Variants in MBNL1 observed in about 807,000 individuals in gnomAD.
The protein encoded by MBNL1 is muscleblind-like protein 1.
A neutral mutation model predicts 42.2 loss-of-function variants in MBNL1; 8 were observed. That is an observed-to-expected ratio of 0.19 (90% CI 0.11 to 0.34). The LOEUF is 0.34. Among genes scored for constraint, MBNL1 ranks in the 10% least tolerant of loss-of-function variants. The pLI is 1.00. For missense variants in MBNL1, 309 were observed against 495.3 expected (o/e 0.62, Z 3.57); for synonymous variants, 169 against 173.9 (o/e 0.97, Z 0.22).
chr3:152,437,757 T>C (rs188201906), intron 4 of MBNL1, among the ~76,000 whole-genome samples: 28 of 147,844 alleles, frequency 1.9e-4, no homozygotes, highest in Admixed American at 9.1e-4. Context: ...CCAAGTACTT[T>C]CTGTACTCCA....
upstream of MBNL1, chr3:152,268,092 T>C (rs1330957623): frequency 6.6e-6 from 1 of 152,328 alleles, no homozygotes; most frequent in East Asian, 1.9e-4. Context: ...GTTTATTTGC[T>C]CTGGCGACAA....
At chr3:152,392,226 T>A (rs1041974990) in intron 2 of MBNL1, among the ~76,000 whole-genome samples, 3 of 152,196 alleles carry the variant, frequency 2.0e-5, no homozygotes, top group Non-Finnish European at 4.4e-5. Context: ...AATATTTTTT[T>A]AAATATAATC....
At chr3:152,272,369 G>T (rs1197550218) in intron 1 of MBNL1, among the ~76,000 whole-genome samples, 4 of 152,042 alleles carry the variant, frequency 2.6e-5, no homozygotes, top group Non-Finnish European at 4.4e-5. Flanking sequence ...TATAATTAGA[G>T]AATGAGTCTT....
intron 2 of MBNL1, among the ~76,000 whole-genome samples, chr3:152,403,382 T>C (rs1282463783): frequency 6.6e-6 from 1 of 152,236 alleles, no homozygotes; most frequent in African/African-American, 2.4e-5. Flanking sequence ...ATGGCTTCAA[T>C]ACCCTTTTGC....
chr3:152,309,914 G>A (rs1475615454), intron 2 of MBNL1, among the ~76,000 whole-genome samples: 1 of 152,160 alleles, frequency 6.6e-6, no homozygotes, highest in Non-Finnish European at 1.5e-5. Flanking sequence ...GCACAACGAA[G>A]ATTAAAATAA....
intron 1 of MBNL1, among the ~76,000 whole-genome samples, chr3:152,279,604 A>G (rs1559984273): frequency 6.6e-6 from 1 of 152,148 alleles, no homozygotes; most frequent in Non-Finnish European, 1.5e-5. Context: ...TAAAAAAAAT[A>G]AAACAAACTA....
At chr3:152,423,244 G>A (rs1024349376) in intron 3 of MBNL1, among the ~76,000 whole-genome samples, 1 of 152,064 alleles carries the variant, frequency 6.6e-6, no homozygotes, top group Non-Finnish European at 1.5e-5. Context: ...AATGACAAAG[G>A]GGATATCACC....
At chr3:152,344,298 C>G (rs959201874) in intron 2 of MBNL1, among the ~76,000 whole-genome samples, 1 of 152,106 alleles carries the variant, frequency 6.6e-6, no homozygotes, top group Non-Finnish European at 1.5e-5. Flanking sequence ...ATAACACTAC[C>G]TCTCAGCCCT....
intron 2 of MBNL1, among the ~76,000 whole-genome samples, chr3:152,363,764 C>T (rs912246262): frequency 1.2e-4 from 18 of 152,100 alleles, no homozygotes; most frequent in African/African-American, 4.3e-4. Context: ...GTCACACAGT[C>T]TGTTCCTATT....
At chr3:152,297,124 GAGA>G (rs1326745159) in intron 1 of MBNL1, among the ~76,000 whole-genome samples, 2 of 152,122 alleles carry the variant, frequency 1.3e-5, no homozygotes, top group Non-Finnish European at 2.9e-5. Context: ...AGATTCTGAA[GAGA>G]AGGAGTAAAG....
At position 152,300,139 on chromosome 3, in the gene MBNL1, G is replaced by A; in HGVS notation, c.-55G>A. Reference sequence around the variant, plus strand: ...TTTTTTGGTTGTTGCTCTTTTTTGGGGGGGTTGGGTTTGTTGGTTTCACTG... The same window carrying A: ...TTTTTTGGTTGTTGCTCTTTTTTGGAGGGGTTGGGTTTGTTGGTTTCACTG... On this transcript the variant is annotated 5_prime_UTR_variant, in exon 2 of 10. Transcript: ENST00000324210. 1 of 1,206,570 alleles carries A rather than the reference G, an allele frequency of 8.3e-7. No individual in the cohort carries two copies. The highest frequency in any genetic ancestry group is 1.1e-6 in the Non-Finnish European group (1 of 872,222). The allele number at this position is 1,206,570 out of a possible 1,614,324, so 74.7% of individuals were successfully genotyped here.
At chr3:152,303,730 A>T (rs1349334536) in intron 2 of MBNL1, among the ~76,000 whole-genome samples, 1 of 151,044 alleles carries the variant, frequency 6.6e-6, no homozygotes, top group African/African-American at 2.4e-5. Flanking sequence ...TTATACCCTC[A>T]AAAAAAAAGC....
rs2099076378 is a variant in MBNL1, at chr3:152,436,240, C to G, written c.549+3320C>G. Among the ~76,000 whole-genome samples, 4 of 152,192 alleles carry G rather than the reference C, an allele frequency of 2.6e-5. No individual in the cohort carries two copies. The Middle Eastern group carries it at 0.01, about 388-fold the overall frequency. On this transcript the variant is annotated intron_variant, in intron 4 of 9. Coordinates refer to ENST00000324210, the MANE Select transcript of MBNL1 (RefSeq NM_021038.5). Reference sequence around the variant, plus strand: ...ATTTTAGCATATTGACAATCATATACCAGACACATGCATCGCAGGTTTAAT... The same window carrying G: ...ATTTTAGCATATTGACAATCATATAGCAGACACATGCATCGCAGGTTTAAT...
chr3:152,333,926 C>T (rs912026740), intron 2 of MBNL1, among the ~76,000 whole-genome samples: 1 of 152,140 alleles, frequency 6.6e-6, no homozygotes, highest in African/African-American at 2.4e-5. Context: ...TCACTGTGAC[C>T]TTGAAGAAGT....
chr3:152,390,509 TAGAA>T (rs759431292), intron 2 of MBNL1, among the ~76,000 whole-genome samples: 13 of 151,946 alleles, frequency 8.6e-5, no homozygotes, highest in African/African-American at 2.4e-4. Context: ...TTTTAATTAT[TAGAA>T]AGAGTACATG....
chr3:152,446,195 A>G (rs969730746), intron 5 of MBNL1, among the ~76,000 whole-genome samples: 3 of 152,158 alleles, frequency 2.0e-5, no homozygotes, highest in African/African-American at 7.2e-5. Context: ...GTAAATTTTA[A>G]TGTGATCTAG....
intron 2 of MBNL1, among the ~76,000 whole-genome samples, chr3:152,371,461 G>A (rs1216711220): frequency 1.3e-5 from 2 of 152,162 alleles, no homozygotes; most frequent in African/African-American, 4.8e-5. Context: ...GCCAGCTGTG[G>A]TGGCACATGC....
chr3:152,409,464 T>TG (rs2098515632), intron 2 of MBNL1, among the ~76,000 whole-genome samples: 1 of 146,046 alleles, frequency 6.8e-6, no homozygotes, highest in African/African-American at 2.5e-5. Flanking sequence ...TCATCTTAGC[T>TG]GAAAAAAAAA....
intron 2 of MBNL1, chr3:152,338,184 C>G: frequency 1.0e-6 from 1 of 985,400 alleles, no homozygotes; most frequent in East Asian, 1.1e-4. Context: ...AATGGCCTAT[C>G]TCCATGTATT....
Sources: gnomAD v4.1 joint callset for allele counts (sites outside exome capture counted in the v4.1 genomes callset) on GRCh38, gnomAD v4.1.1 for gene constraint, MANE v1.5 for transcripts, NCBI Gene and HGNC (gene_info 2026-07-23, HGNC 2026-07-21) for gene names.